The following SLAIN2 variants were observed in gnomAD, a reference collection of about 807,000 sequenced individuals.
SLAIN2 encodes SLAIN family member 2, also known as SLAIN motif-containing protein 2.
Under a neutral mutation model 56.6 loss-of-function variants are expected in SLAIN2, and 31 were observed. That is an observed-to-expected ratio of 0.55 (90% CI 0.41 to 0.74). The LOEUF is 0.74. Among genes scored for constraint, SLAIN2 ranks in the 30% least tolerant of loss-of-function variants. The pLI is 0.00. For synonymous variants in SLAIN2, 317 were observed against 284.9 expected, an observed-to-expected ratio of 1.11 and a Z score of -1.13; for missense variants, 777 against 754.2, an observed-to-expected ratio of 1.03 and a Z score of -0.35.
chr4:48,418,097 TC>T (rs1717045621), intron 6 of SLAIN2, among the ~76,000 whole-genome samples: 2 of 151,708 alleles, frequency 1.3e-5, no homozygotes, highest in Non-Finnish European at 2.9e-5. Context: ...TTCTTCCTCT[TC>T]CTCCTCTTCC....
chr4:48,355,355 C>T (rs151236247), intron 1 of SLAIN2, among the ~76,000 whole-genome samples: 31 of 152,256 alleles, frequency 2.0e-4, no homozygotes, highest in African/African-American at 7.0e-4. Context: ...CTTAGAATCC[C>T]ATGTGAAGAC....
rs1342911101 is a variant in SLAIN2 at position 48,425,318 on chromosome 4, C to G, written c.*3241C>G. On this transcript the variant is annotated 3_prime_UTR_variant, in exon 8 of 8. Coordinates refer to ENST00000264313, the MANE Select transcript of SLAIN2 (RefSeq NM_020846.2). ...TTGATACCTAGTTATAAAAAGCTAG[C>G]ATTTGCCTAGATCATAACTATGTAT... 4 of 152,068 alleles carry G rather than the reference C, an allele frequency of 2.6e-5. No homozygotes were observed. Among genetic ancestry groups the G allele is most frequent in the Non-Finnish European group, 4.4e-5 (3 of 67,970 alleles). 9.4% of individuals were successfully genotyped at this position (152,068 alleles called of 1,614,324 possible).
chr4:48,360,803 A>C (rs1446775418), intron 1 of SLAIN2, among the ~76,000 whole-genome samples: 1 of 152,094 alleles, frequency 6.6e-6, no homozygotes, highest in East Asian at 1.9e-4. Flanking sequence ...CCAGGCAACC[A>C]CTGATCAACT....
At chr4:48,365,019 T>C (rs1160469675) in intron 1 of SLAIN2, among the ~76,000 whole-genome samples, 1 of 152,226 alleles carries the variant, frequency 6.6e-6, no homozygotes, top group Non-Finnish European at 1.5e-5. Flanking sequence ...ATCTGTTTTA[T>C]CTATTTTATT....
intron 6 of SLAIN2, chr4:48,394,625 G>A (rs1329535343): frequency 6.5e-7 from 1 of 1,535,862 alleles, no homozygotes; most frequent in Admixed American, 2.0e-5. Context: ...AAGCCAAACA[G>A]TTGCTTCAAA....
chr4:48,408,504 A>C (rs1226235878), intron 6 of SLAIN2, among the ~76,000 whole-genome samples: 1 of 126,628 alleles, frequency 7.9e-6, no homozygotes, highest in Non-Finnish European at 1.6e-5. Flanking sequence ...GCTTAGGCTT[A>C]TGTGTGTGTT....
intron 6 of SLAIN2, among the ~76,000 whole-genome samples, chr4:48,412,940 C>T (rs1716901816): frequency 6.6e-6 from 1 of 152,004 alleles, no homozygotes; most frequent in Non-Finnish European, 1.5e-5. Flanking sequence ...TTGATAATGA[C>T]ACTTTGGCCA....
intron 6 of SLAIN2, among the ~76,000 whole-genome samples, chr4:48,406,000 A>G (rs1240327251): frequency 6.6e-6 from 1 of 152,158 alleles, no homozygotes; most frequent in Non-Finnish European, 1.5e-5. Context: ...GTCATTCTAG[A>G]TGTTTTTCCA....
At chr4:48,413,832 A>C (rs887391212) in intron 6 of SLAIN2, among the ~76,000 whole-genome samples, 2 of 152,176 alleles carry the variant, frequency 1.3e-5, no homozygotes, top group African/African-American at 4.8e-5. Flanking sequence ...TGGAATATCT[A>C]ACTTTTGTAT....
chr4:48,411,325 C>T (rs1716840712), intron 6 of SLAIN2, among the ~76,000 whole-genome samples: 1 of 152,074 alleles, frequency 6.6e-6, no homozygotes, highest in African/African-American at 2.4e-5. Context: ...GAAATCTGTA[C>T]CACATCAGGA....
intron 6 of SLAIN2, among the ~76,000 whole-genome samples, chr4:48,393,111 G>A (rs944216420): frequency 6.6e-6 from 1 of 151,912 alleles, no homozygotes; most frequent in Non-Finnish European, 1.5e-5. Context: ...AGTGGCTCAC[G>A]CATGTAATTC....
intron 1 of SLAIN2, among the ~76,000 whole-genome samples, chr4:48,348,141 A>G (rs546115015): frequency 1.4e-4 from 21 of 152,198 alleles, no homozygotes; most frequent in Non-Finnish European, 2.5e-4. Flanking sequence ...TACTTATATA[A>G]CTAACTGTTC....
intron 2 of SLAIN2, 47 bp downstream of exon 2, chr4:48,370,044 G>T (rs186631994): frequency 4.1e-5 from 65 of 1,577,566 alleles, no homozygotes; most frequent in Non-Finnish European, 5.5e-5. Flanking sequence ...GCTTTCTTTA[G>T]TCAAAAACCA....
chr4:48,346,273 T>C (rs1714862262), intron 1 of SLAIN2, among the ~76,000 whole-genome samples: 1 of 152,242 alleles, frequency 6.6e-6, no homozygotes, highest in South Asian at 2.1e-4. Flanking sequence ...TATTTCCTTT[T>C]ATCCAGACTT....
At chr4:48,350,347 G>A (rs1392532397) in intron 1 of SLAIN2, among the ~76,000 whole-genome samples, 2 of 152,078 alleles carry the variant, frequency 1.3e-5, no homozygotes, top group East Asian at 1.9e-4. Flanking sequence ...TTCCACTTAC[G>A]CAGACCCCTG....
rs1460715589 is a variant in SLAIN2 at position 48,364,028 on chromosome 4, C to G, written c.390-5821C>G. Among the ~76,000 whole-genome samples the G allele has an allele frequency of 8.7e-5, 9 of 103,754 alleles. 1 individual carries two copies. Among genetic ancestry groups the G allele is most frequent in the African/African-American group, 2.6e-4 (8 of 30,296 alleles). The allele number at this position is 103,754 out of a possible 152,430, so 68.1% of individuals were successfully genotyped here. A position where few individuals can be genotyped will look rare whatever the true frequency, so the allele number is the denominator to read the frequency against. On this transcript the variant is annotated intron_variant, in intron 1 of 7. Coordinates refer to ENST00000264313, the MANE Select transcript of SLAIN2 (RefSeq NM_020846.2). ...GTGGCTGCTGGGCGGAGACGCTCCTCACTTCCCAGATGGGGTGGCTGCCGG... is the reference window on the plus strand; with the variant it reads ...GTGGCTGCTGGGCGGAGACGCTCCTGACTTCCCAGATGGGGTGGCTGCCGG...
intron 1 of SLAIN2, among the ~76,000 whole-genome samples, chr4:48,344,339 TC>T (rs1714805370): frequency 6.6e-6 from 1 of 152,230 alleles, no homozygotes. Context: ...TTTTTTCCTT[TC>T]TTAGCAAGCT....
At chr4:48,410,590 T>C (rs1009111908) in intron 6 of SLAIN2, among the ~76,000 whole-genome samples, 3 of 152,218 alleles carry the variant, frequency 2.0e-5, no homozygotes, top group African/African-American at 4.8e-5. Context: ...CCTTCGGTAC[T>C]TGGAGCTTTC....
intron 4 of SLAIN2, among the ~76,000 whole-genome samples, chr4:48,381,015 T>C (rs1280270273): frequency 6.6e-6 from 1 of 152,206 alleles, no homozygotes; most frequent in Non-Finnish European, 1.5e-5. Flanking sequence ...ACTCTTTTTC[T>C]TCTGTAATTT....
Sources: gnomAD v4.1 joint callset for allele counts (sites outside exome capture counted in the v4.1 genomes callset) on GRCh38, gnomAD v4.1.1 for gene constraint, MANE v1.5 for transcripts, NCBI Gene and HGNC (gene_info 2026-07-23, HGNC 2026-07-21) for gene names.